HMGN5: variants seen among roughly 807,000 people sequenced by gnomAD.
HMGN5 encodes the protein high mobility group nucleosome binding domain 5, also known as high mobility group nucleosome-binding domain-containing protein 5.
A neutral mutation model predicts 9.5 loss-of-function variants in HMGN5; 4 were observed. That is an observed-to-expected ratio of 0.42 (90% CI 0.21 to 0.96). The LOEUF (loss-of-function observed/expected upper bound fraction) is 0.96, where lower values mean the gene tolerates loss of function less well. Among genes scored for constraint, HMGN5 ranks in the 40% least tolerant of loss-of-function variants. The probability of loss-of-function intolerance (pLI) is 0.30; values close to 1 mark genes in which losing one functional copy is unlikely to be tolerated. For missense variants in HMGN5, 192 were observed against 187.5 expected, an observed-to-expected ratio of 1.02 and a Z score of -0.14; for synonymous variants, 55 against 57.1, an observed-to-expected ratio of 0.96 and a Z score of 0.16.
At chrX:81,121,463 A>C in intron 2 of HMGN5, 72 bp downstream of exon 2, 2 of 1,064,104 alleles carry the variant, frequency 1.9e-6, no homozygotes, top group Non-Finnish European at 2.6e-6. Flanking sequence ...CCAAACAAAC[A>C]AATAAATTCT....
intron 1 of HMGN5, among the ~76,000 whole-genome samples, chrX:81,186,866 G>C (rs1243171376): frequency 9.0e-6 from 1 of 110,860 alleles, no homozygotes; most frequent in African/African-American, 3.3e-5. Flanking sequence ...TAGTGCTTTT[G>C]CCGTATCTCA....
chrX:81,201,040 AAGAC>A (rs1320727935), intron 1 of HMGN5, among the ~76,000 whole-genome samples: 1 of 111,202 alleles, frequency 9.0e-6, no homozygotes, highest in Non-Finnish European at 1.9e-5. Flanking sequence ...ATTAGTATTT[AAGAC>A]AGATTGGAGA....
intron 1 of HMGN5, among the ~76,000 whole-genome samples, chrX:81,130,688 T>A (rs909764738): frequency 1.8e-5 from 2 of 110,600 alleles, no homozygotes; most frequent in South Asian, 7.6e-4. Flanking sequence ...AACTGAGAAA[T>A]AGCTACTAGA....
intron 1 of HMGN5, among the ~76,000 whole-genome samples, chrX:81,201,462 G>A (rs1192504677): frequency 3.6e-5 from 4 of 111,517 alleles, no homozygotes; most frequent in Non-Finnish European, 7.5e-5. Flanking sequence ...TCTTTTCTTT[G>A]TAATTTATTC....
At chrX:81,201,128 A>G (rs2075525525) in intron 1 of HMGN5, among the ~76,000 whole-genome samples, 1 of 110,983 alleles carries the variant, frequency 9.0e-6, no homozygotes, top group African/African-American at 3.3e-5. Flanking sequence ...ACAGTAAACC[A>G]CTAGACTGGA....
chrX:81,134,595 C>T (rs1240888173), intron 1 of HMGN5, among the ~76,000 whole-genome samples: 4 of 111,136 alleles, frequency 3.6e-5, no homozygotes, highest in Non-Finnish European at 7.6e-5. Flanking sequence ...CCAACTCCCT[C>T]CCCCAATGTA....
chrX:81,198,602 C>G (rs1449980502), intron 1 of HMGN5, among the ~76,000 whole-genome samples: 1 of 111,796 alleles, frequency 8.9e-6, no homozygotes, highest in Non-Finnish European at 1.9e-5. Context: ...TAATCCATCA[C>G]ATAAACAGAA....
chrX:81,192,607 T>A (rs1191338874), intron 1 of HMGN5, among the ~76,000 whole-genome samples: 1 of 112,216 alleles, frequency 8.9e-6, no homozygotes, highest in Non-Finnish European at 1.9e-5. Flanking sequence ...TTAGCTATAA[T>A]CTTTTTTATT....
intron 1 of HMGN5, among the ~76,000 whole-genome samples, chrX:81,127,487 A>T (rs5959815): frequency 0.013 from 1,436 of 111,954 alleles, 21 homozygotes; most frequent in African/African-American, 0.044. Flanking sequence ...TGGCATTTTA[A>T]CCAAAAGCTA....
intron 1 of HMGN5, among the ~76,000 whole-genome samples, chrX:81,168,870 T>A (rs2075418087): frequency 9.0e-6 from 1 of 111,384 alleles, no homozygotes; most frequent in Admixed American, 9.6e-5. Context: ...GAGGCTGTCT[T>A]TTGCCTAGGA....
intron 1 of HMGN5, among the ~76,000 whole-genome samples, chrX:81,127,239 C>T (rs1485391657): frequency 9.0e-6 from 1 of 111,659 alleles, no homozygotes. Context: ...ATGCTGGTTA[C>T]TCTTACAAAA....
intron 1 of HMGN5, 136 bp from the exon 2 acceptor site, chrX:81,121,808 C>T: frequency 3.4e-6 from 1 of 297,151 alleles, no homozygotes; most frequent in Non-Finnish European, 5.9e-6. Context: ...AGGCAGCCGG[C>T]TTTGAGGGGC....
intron 1 of HMGN5, among the ~76,000 whole-genome samples, chrX:81,158,547 G>A (rs1181542652): frequency 3.6e-5 from 4 of 112,107 alleles, no homozygotes; most frequent in African/African-American, 1.3e-4. Flanking sequence ...TAAGTTGTTT[G>A]TAGATTCTGG....
intron 1 of HMGN5, among the ~76,000 whole-genome samples, chrX:81,146,587 ACAAAAGAAACAAGAG>A (rs1191187589): frequency 8.9e-6 from 1 of 111,999 alleles, no homozygotes; most frequent in African/African-American, 3.2e-5. Flanking sequence ...AACTAAAAGA[ACAAAAGAAACAAGAG>A]CAAACACATT....
intron 1 of HMGN5, among the ~76,000 whole-genome samples, chrX:81,171,731 C>CA (rs1286542995): frequency 9.0e-6 from 1 of 111,288 alleles, no homozygotes; most frequent in African/African-American, 3.3e-5. Flanking sequence ...GAAAGTGCTG[C>CA]ATGGTTTAGC....
At chrX:81,177,526 T>C (rs888322037) in intron 1 of HMGN5, among the ~76,000 whole-genome samples, 3 of 109,946 alleles carry the variant, frequency 2.7e-5, no homozygotes, top group Admixed American at 2.0e-4. Flanking sequence ...ATCCTAAATA[T>C]ATATGTACCC....
chrX:81,137,841 C>A (rs747502913), intron 1 of HMGN5, among the ~76,000 whole-genome samples: 5 of 111,084 alleles, frequency 4.5e-5, no homozygotes, highest in Non-Finnish European at 7.6e-5. Flanking sequence ...CACAAGTAAC[C>A]AATATGGGGA....
chrX:81,188,452 A>C lies in HMGN5; in HGVS notation c.-124+13285T>G, dbSNP rs192889745. On this transcript the variant is annotated intron_variant, in intron 1 of 6. Coordinates refer to ENST00000358130, the MANE Select transcript of HMGN5 (RefSeq NM_030763.3). The stretch of plus-strand genomic sequence containing the variant: ...CCAAATGTTGTAATTATTGTTTTTG[A>C]CTGGTTCATCATTTAGTCTTTCTAC... Among the ~76,000 whole-genome samples, 168 of 109,292 alleles carry C rather than the reference A, an allele frequency of 1.5e-3. 1 individual carries two copies. Among genetic ancestry groups the C allele is most frequent in the African/African-American group, 5.3e-3 (158 of 30,076 alleles). 94.9% of individuals were successfully genotyped at this position (109,292 alleles called of 115,157 possible).
chrX:81,121,273 T>G (rs2075267525), intron 2 of HMGN5, among the ~76,000 whole-genome samples: 1 of 110,080 alleles, frequency 9.1e-6, no homozygotes, highest in African/African-American at 3.3e-5. Flanking sequence ...TATGGCTGTT[T>G]GTAATTCAGC....
Sources: allele counts gnomAD v4.1 joint callset (sites outside exome capture counted in the v4.1 genomes callset), GRCh38; gene constraint gnomAD v4.1.1; transcripts MANE v1.5; gene names NCBI Gene and HGNC (gene_info 2026-07-23, HGNC 2026-07-21).